MAN2A1: variants seen among roughly 807,000 people sequenced by gnomAD.
MAN2A1 encodes the protein mannosidase alpha class 2A member 1.
MAN2A1 carries 76 observed loss-of-function variants against 142.6 expected under a neutral mutation model. The observed-to-expected ratio is 0.53, with a 90% CI of 0.44 to 0.65. MAN2A1 has a LOEUF of 0.65. Ranked by LOEUF, MAN2A1 falls within the 30% of genes least tolerant of loss-of-function variation. MAN2A1 has a pLI of 0.00. For synonymous variants in MAN2A1, 559 were observed against 473.2 expected, an observed-to-expected ratio of 1.18 and a Z score of -2.35; for missense variants, 1,311 against 1,365.1, an observed-to-expected ratio of 0.96 and a Z score of 0.62.
intron 4 of MAN2A1, among the ~76,000 whole-genome samples, chr5:109,731,855 A>G (rs1014016279): frequency 4.7e-5 from 7 of 148,620 alleles, no homozygotes; most frequent in Non-Finnish European, 7.5e-5. Flanking sequence ...AGCATGATTT[A>G]TAGTCCTTTG....
chr5:109,794,049 G>T (rs1163270707), intron 12 of MAN2A1: 1 of 152,040 alleles, frequency 6.6e-6, no homozygotes, highest in Non-Finnish European at 1.5e-5. Flanking sequence ...TCTACCAGTT[G>T]TTTACACATA....
At chr5:109,756,184 A>G (rs1162515887) in intron 5 of MAN2A1, among the ~76,000 whole-genome samples, 1 of 152,166 alleles carries the variant, frequency 6.6e-6, no homozygotes, top group East Asian at 1.9e-4. Context: ...TGGGTCCTCC[A>G]TATGAGTGGC....
intron 20 of MAN2A1, among the ~76,000 whole-genome samples, chr5:109,858,456 A>G (rs1403626262): frequency 6.6e-6 from 1 of 152,148 alleles, no homozygotes; most frequent in Non-Finnish European, 1.5e-5. Context: ...AAAGACCAAA[A>G]TGACTCAATG....
chr5:109,827,444 T>C (rs758982155), intron 16 of MAN2A1, among the ~76,000 whole-genome samples: 32 of 152,348 alleles, frequency 2.1e-4, no homozygotes, highest in Non-Finnish European at 4.0e-4. Context: ...TTGCCCAAAT[T>C]AAGCTTCAGG....
chr5:109,769,043 T>C (rs1178315361), intron 6 of MAN2A1, among the ~76,000 whole-genome samples: 2 of 152,134 alleles, frequency 1.3e-5, no homozygotes, highest in Non-Finnish European at 2.9e-5. Flanking sequence ...GTATGCAAAT[T>C]AGCTGCAAAA....
intron 3 of MAN2A1, among the ~76,000 whole-genome samples, chr5:109,723,688 G>A (rs1237414747): frequency 6.6e-6 from 1 of 152,084 alleles, no homozygotes; most frequent in African/African-American, 2.4e-5. Flanking sequence ...TGGTTTAGAA[G>A]GTTTTCAATA....
intron 9 of MAN2A1, among the ~76,000 whole-genome samples, chr5:109,782,981 A>G (rs1225195912): frequency 1.3e-5 from 2 of 152,080 alleles, no homozygotes; most frequent in African/African-American, 4.8e-5. Flanking sequence ...ATTTAAAATA[A>G]TGTTTACATA....
chr5:109,798,333 G>T (rs902770238), intron 12 of MAN2A1, among the ~76,000 whole-genome samples: 1 of 152,178 alleles, frequency 6.6e-6, no homozygotes, highest in African/African-American at 2.4e-5. Flanking sequence ...TACTATCAGT[G>T]TACTGTTAAC....
At chr5:109,827,098 T>C (rs1451345763) in intron 16 of MAN2A1, among the ~76,000 whole-genome samples, 2 of 152,232 alleles carry the variant, frequency 1.3e-5, no homozygotes, top group Non-Finnish European at 2.9e-5. Context: ...TGAGTATTAA[T>C]GAATAGAGCC....
chr5:109,858,700 G>A (rs939266064), intron 20 of MAN2A1, among the ~76,000 whole-genome samples: 1 of 152,226 alleles, frequency 6.6e-6, no homozygotes, highest in African/African-American at 2.4e-5. Flanking sequence ...TGTGTCTGAA[G>A]GCCACCTTAG....
intron 1 of MAN2A1, among the ~76,000 whole-genome samples, chr5:109,707,153 A>G (rs1299087703): frequency 6.6e-6 from 1 of 152,216 alleles, no homozygotes; most frequent in Non-Finnish European, 1.5e-5. Context: ...TCCTGTGGCC[A>G]ACGTGGGTCC....
intron 4 of MAN2A1, among the ~76,000 whole-genome samples, chr5:109,735,028 A>G (rs1485946874): frequency 6.6e-6 from 1 of 152,182 alleles, no homozygotes; most frequent in Non-Finnish European, 1.5e-5. Context: ...TAGGTCACTC[A>G]TGACTTGCTT....
Position 109,774,795 on chromosome 5 carries a change from A to G in MAN2A1, c.1204A>G (p.Met402Val), listed in dbSNP as rs563028524. Residue 402 changes from methionine to valine, a missense_variant, in exon 8 of 22, where the codon ATG becomes GTG. By Grantham distance (21) the Met-to-Val change is conservative. Coordinates refer to ENST00000261483, the MANE Select transcript of MAN2A1 (RefSeq NM_002372.4). The part of the protein sequence containing the change: ...HPGNVQSRAR[M>V]LLDQYRKKSK... ...TGTTTGTTTTTTTTGTAGGGCTCGG[A>G]TGCTACTAGATCAGTACCGAAAGAA... 5 of 1,602,666 alleles carry G rather than the reference A, an allele frequency of 3.1e-6. No individual in the cohort carries two copies. Among genetic ancestry groups the G allele is most frequent in the African/African-American group, 2.7e-5 (2 of 73,838 alleles).
At chr5:109,840,549 C>T in intron 16 of MAN2A1, 1 of 508,016 alleles carries the variant, frequency 2.0e-6, no homozygotes, top group Admixed American at 2.0e-5. Flanking sequence ...GCAGAGCCTC[C>T]AATAAGGCTG....
chr5:109,832,170 T>TTTC (rs1754926509), intron 16 of MAN2A1, among the ~76,000 whole-genome samples: 1 of 145,188 alleles, frequency 6.9e-6, no homozygotes. Context: ...TCTTTTTTTT[T>TTTC]TTTTTTTTTT....
At chr5:109,768,024 A>G (rs1582877451) in intron 6 of MAN2A1, among the ~76,000 whole-genome samples, 1 of 152,204 alleles carries the variant, frequency 6.6e-6, no homozygotes, top group Admixed American at 6.5e-5. Flanking sequence ...AAATTTGAAC[A>G]TGCATTAGAA....
rs777829995 is a variant in MAN2A1 at position 109,729,383 on chromosome 5, C to G, written c.577C>G (p.Gln193Glu). The change falls in exon 4 of 22, where the codon CAG becomes GAG. Residue 193 changes from glutamine (Q) to glutamate (E), a missense_variant. By Grantham distance (29) the Gln-to-Glu change is conservative (BLOSUM62 2). Around this residue, in one of 3 missense-constraint regions of MAN2A1, gnomAD observed 409 missense variants for 412.7 expected, o/e 0.99. Transcript: ENST00000261483. ...TFNDYFRDKT[Q>E]YIFNNMVLKL... ...CAATGACTACTTTAGAGACAAGACTCAGTATATTTTTAATAACATGGTCCT... is the reference window on the plus strand; with the variant it reads ...CAATGACTACTTTAGAGACAAGACTGAGTATATTTTTAATAACATGGTCCT... 1 of 1,604,798 alleles carries G rather than the reference C, an allele frequency of 6.2e-7. No individual in the cohort carries two copies. The highest frequency in any genetic ancestry group is 8.5e-7 in the Non-Finnish European group (1 of 1,176,494).
chr5:109,778,778 T>A (rs1292639522), intron 8 of MAN2A1, among the ~76,000 whole-genome samples: 1 of 152,124 alleles, frequency 6.6e-6, no homozygotes, highest in Non-Finnish European at 1.5e-5. Context: ...TAGTTATATC[T>A]GTTTCTTGTG....
chr5:109,811,527 TTC>T (rs1304253784), intron 12 of MAN2A1, among the ~76,000 whole-genome samples: 1 of 151,770 alleles, frequency 6.6e-6, no homozygotes, highest in Admixed American at 6.6e-5. Context: ...AAAATTAATT[TTC>T]TGTTTTGATT....
Sources: gnomAD v4.1 joint callset for allele counts (sites outside exome capture counted in the v4.1 genomes callset) on GRCh38, gnomAD v4.1.1 for gene constraint, gnomAD v4.1.1 regional missense constraint, MANE v1.5 for transcripts, NCBI Gene and HGNC (gene_info 2026-07-23, HGNC 2026-07-21) for gene names.